PRKCA: variants seen among roughly 807,000 people sequenced by gnomAD.
The protein encoded by PRKCA is protein kinase C alpha.
PRKCA carries 27 observed loss-of-function variants against 87.0 expected under a neutral mutation model. The ratio of observed to expected loss-of-function variants is 0.31; its 90% CI spans 0.23 to 0.43. The LOEUF (loss-of-function observed/expected upper bound fraction) is 0.43. Among genes scored for constraint, PRKCA ranks in the 20% least tolerant of loss-of-function variants. The pLI is 1.00. For missense variants in PRKCA, 518 were observed against 852.3 expected, an observed-to-expected ratio of 0.61 and a Z score of 4.88; for synonymous variants, 329 against 311.1, an observed-to-expected ratio of 1.06 and a Z score of -0.61.
chr17:66,561,168 G>A (rs533364449), intron 3 of PRKCA, among the ~76,000 whole-genome samples: 32 of 152,208 alleles, frequency 2.1e-4, no homozygotes, highest in Admixed American at 1.2e-3. Context: ...ATCTGATAAA[G>A]TGGTAACAGG....
chr17:66,590,610 AGGCCAAGGTGTGT>A (rs1438132911), intron 3 of PRKCA, among the ~76,000 whole-genome samples: 3 of 152,156 alleles, frequency 2.0e-5, no homozygotes, highest in Non-Finnish European at 4.4e-5. Context: ...GCACTTTGGG[AGGCCAAGGTGTGT>A]GGATCACCTG....
At chr17:66,775,204 A>G in intron 14 of PRKCA, 1 of 958,444 alleles carries the variant, frequency 1.0e-6, no homozygotes, top group Non-Finnish European at 1.2e-6. Flanking sequence ...CTTCCGTGGC[A>G]AAGTCCCATG....
chr17:66,372,302 C>T (rs764799354), intron 2 of PRKCA, among the ~76,000 whole-genome samples: 13 of 152,192 alleles, frequency 8.5e-5, no homozygotes, highest in Non-Finnish European at 1.6e-4. Flanking sequence ...AGAAGTCTAA[C>T]TGAAATCACC....
chr17:66,377,090 A>G (rs1909463988), intron 2 of PRKCA, among the ~76,000 whole-genome samples: 1 of 152,044 alleles, frequency 6.6e-6, no homozygotes, highest in Non-Finnish European at 1.5e-5. Context: ...CAATGGCATG[A>G]TCTCAGCTCA....
At chr17:66,558,277 T>C (rs2143277897) in intron 3 of PRKCA, among the ~76,000 whole-genome samples, 1 of 152,374 alleles carries the variant, frequency 6.6e-6, no homozygotes, top group East Asian at 1.9e-4. Context: ...CTGGTCTTGT[T>C]GAAGAGACGG....
intron 2 of PRKCA, among the ~76,000 whole-genome samples, chr17:66,368,877 C>T (rs1174143236): frequency 1.3e-5 from 2 of 152,184 alleles, no homozygotes; most frequent in African/African-American, 4.8e-5. Context: ...AGGCCTGAGT[C>T]TTGCTCCCTG....
chr17:66,761,007 T>C (rs111306833), intron 13 of PRKCA, among the ~76,000 whole-genome samples: 170 of 152,334 alleles, frequency 1.1e-3, no homozygotes, highest in African/African-American at 4.0e-3. Context: ...CTTTCATTGG[T>C]GTAATTACTA....
At chr17:66,715,974 A>C (rs1334447378) in intron 8 of PRKCA, among the ~76,000 whole-genome samples, 2 of 152,190 alleles carry the variant, frequency 1.3e-5, no homozygotes, top group African/African-American at 4.8e-5. Context: ...TGTTGCCTGG[A>C]TGTCTTTACA....
At position 66,572,026 on chromosome 17, in the gene PRKCA, A is replaced by T. The variant is rs543338972; in HGVS notation, c.289-69329A>T. Among the ~76,000 whole-genome samples, 10 of 152,304 alleles carry T rather than the reference A, an allele frequency of 6.6e-5. 1 individual carries two copies. In the East Asian group the frequency reaches 1.9e-3, roughly 29 times the overall value. On this transcript the variant is annotated intron_variant, in intron 3 of 16. Transcript: ENST00000413366. ...TAATTGGGATGCTGTCTGTTCACTT[A>T]GCTGATAGAGGTGGGATTCAGAGAC...
intron 3 of PRKCA, among the ~76,000 whole-genome samples, chr17:66,536,768 C>G (rs772668470): frequency 1.3e-5 from 2 of 152,254 alleles, no homozygotes; most frequent in Non-Finnish European, 2.9e-5. Flanking sequence ...CAGTTTTCTG[C>G]AGTGGATCCT....
Position 66,804,241 on chromosome 17 carries a change from G to T in PRKCA, c.*204G>T. ...CAAGAACATTATCTTAGTGGAAGAT[G>T]GTACGTCATGCTCAGTGTCCAGTTT... On this transcript the variant is annotated 3_prime_UTR_variant, in exon 17 of 17. Transcript: ENST00000413366. 2 of 647,188 alleles carry T rather than the reference G, an allele frequency of 3.1e-6. No homozygotes were observed. The highest frequency in any genetic ancestry group is 2.4e-6 in the Non-Finnish European group (1 of 410,990). The allele number at this position is 647,188 out of a possible 1,614,324, so 40.1% of individuals were successfully genotyped here.
chr17:66,374,355 T>C (rs929010551), intron 2 of PRKCA, among the ~76,000 whole-genome samples: 4 of 152,084 alleles, frequency 2.6e-5, no homozygotes, highest in Non-Finnish European at 4.4e-5. Context: ...GCTGGGGTGT[T>C]CCGCCTCCTA....
chr17:66,743,980 C>T (rs1974214975), intron 13 of PRKCA, among the ~76,000 whole-genome samples: 1 of 152,082 alleles, frequency 6.6e-6, no homozygotes, highest in Non-Finnish European at 1.5e-5. Flanking sequence ...GGGATAATAT[C>T]CTCCTTGTAG....
chr17:66,755,708 C>G (rs1470664354), intron 13 of PRKCA, among the ~76,000 whole-genome samples: 1 of 152,132 alleles, frequency 6.6e-6, no homozygotes, highest in African/African-American at 2.4e-5. Context: ...GGTTTCCAGT[C>G]CAGCATGTTA....
chr17:66,604,442 A>ACT (rs376819782), intron 3 of PRKCA, among the ~76,000 whole-genome samples: 188 of 152,298 alleles, frequency 1.2e-3, no homozygotes, highest in African/African-American at 4.1e-3. Flanking sequence ...TGGAATAGAG[A>ACT]ATGTTTGCCA....
intron 8 of PRKCA, among the ~76,000 whole-genome samples, chr17:66,716,940 C>G (rs1973491674): frequency 6.6e-6 from 1 of 151,900 alleles, no homozygotes; most frequent in African/African-American, 2.4e-5. Flanking sequence ...AATGTGTTGC[C>G]CTTACATTTT....
Position 66,327,485 on chromosome 17 carries a change from G to A in PRKCA, c.205+21358G>A, listed in dbSNP as rs558243180. 8.0e-4 allele frequency among the ~76,000 whole-genome samples: 121 copies of A among 151,930 alleles called. 1 individual carries two copies. Among genetic ancestry groups the A allele is most frequent in the Admixed American group, 5.1e-3 (78 of 15,272 alleles). On this transcript the variant is annotated intron_variant, in intron 2 of 16. Transcript: ENST00000413366. The stretch of plus-strand genomic sequence containing the variant: ...CGGGAGGTGGAGGTTGCAGTGAGCC[G>A]AGATCGCGCCCCTGTACTCCAGCCT...
At chr17:66,421,983 T>A (rs932876733) in intron 2 of PRKCA, among the ~76,000 whole-genome samples, 1 of 152,144 alleles carries the variant, frequency 6.6e-6, no homozygotes, top group Admixed American at 6.5e-5. Flanking sequence ...ATGTTTAAGA[T>A]CAAGGTGTCA....
chr17:66,430,299 G>A (rs892882495), intron 2 of PRKCA, among the ~76,000 whole-genome samples: 4 of 151,916 alleles, frequency 2.6e-5, no homozygotes, highest in South Asian at 4.2e-4. Context: ...GTGCCCATCC[G>A]GCATCATCAG....
Sources: gnomAD v4.1 joint callset for allele counts (sites outside exome capture counted in the v4.1 genomes callset) on GRCh38, gnomAD v4.1.1 for gene constraint, MANE v1.5 for transcripts, NCBI Gene and HGNC (gene_info 2026-07-23, HGNC 2026-07-21) for gene names.